The following OTUD7A variants were observed in gnomAD, a reference collection of about 807,000 sequenced individuals.
OTUD7A encodes the protein OTU domain-containing protein 7A.
Under a neutral mutation model 65.7 loss-of-function variants are expected in OTUD7A, and 12 were observed. The observed-to-expected ratio is 0.18, with a 90% confidence interval of 0.12 to 0.30. The LOEUF (loss-of-function observed/expected upper bound fraction) is 0.30, where lower values mean the gene tolerates loss of function less well. Among genes scored for constraint, OTUD7A ranks in the 10% least tolerant of loss-of-function variants. The pLI, the probability that OTUD7A is intolerant of heterozygous loss-of-function variation, is 1.00. For missense variants in OTUD7A, 1,148 were observed against 1,304.8 expected, an observed-to-expected ratio of 0.88 and a Z score of 1.85; for synonymous variants, 641 against 586.3, an observed-to-expected ratio of 1.09 and a Z score of -1.35.
chr15:31,815,327 G>C (rs903094544), intron 1 of OTUD7A, among the ~76,000 whole-genome samples: 1 of 152,194 alleles, frequency 6.6e-6, no homozygotes, highest in African/African-American at 2.4e-5. Flanking sequence ...GAATGACACT[G>C]CTGCAGAAAC....
intron 12 of OTUD7A, among the ~76,000 whole-genome samples, chr15:31,485,457 C>T (rs1400110649): frequency 6.6e-6 from 1 of 152,180 alleles, no homozygotes; most frequent in Non-Finnish European, 1.5e-5. Flanking sequence ...TGTTCCCATT[C>T]CCAGAAAAGT....
At position 31,796,529 on chromosome 15, in the gene OTUD7A, C is replaced by T. The variant is rs373427271; in HGVS notation, c.-100+73978G>A. Among the ~76,000 whole-genome samples the T allele has an allele frequency of 5.1e-4, 78 of 152,280 alleles. 1 individual carries two copies. The South Asian group carries it at 8.7e-3, about 17-fold the overall frequency. ...AAATATTAATCTCATCTAAAAATTA[C>T]CTTCACAGCAACATTCAGATGTATT... On this transcript the variant is annotated intron_variant, in intron 1 of 12. Coordinates refer to ENST00000307050, the MANE Select transcript of OTUD7A (RefSeq NM_001382637.1).
In OTUD7A at chr15:31,559,636, GCAGA is replaced by G. The variant is rs531489935; in HGVS notation, c.332-453_332-450del. The stretch of plus-strand genomic sequence containing the variant: ...CTACATAGCATACACATACATGCAT[GCAGA>G]CACACACATAGAAACAGTTGGCACA... On this transcript the variant is annotated intron_variant, in intron 4 of 12. Transcript: ENST00000307050. Among the ~76,000 whole-genome samples, 62 of 152,210 alleles carry G rather than the reference GCAGA, an allele frequency of 4.1e-4. 1 individual carries two copies. In the South Asian group the frequency reaches 0.012, roughly 31 times the overall value.
chr15:31,741,342 T>G (rs1030180268), intron 1 of OTUD7A, among the ~76,000 whole-genome samples: 5 of 152,326 alleles, frequency 3.3e-5, no homozygotes, highest in African/African-American at 1.2e-4. Context: ...AAAAATTTTT[T>G]ATTACACTTT....
rs574613428 is a variant in OTUD7A, at chr15:31,607,185, G to C, written c.152-36988C>G. Among the ~76,000 whole-genome samples, 9 of 152,340 alleles carry C rather than the reference G, an allele frequency of 5.9e-5. No individual in the cohort carries two copies. In the South Asian group the frequency reaches 1.9e-3, roughly 32 times the overall value. ...ACTTTCCCCATTGGGAATATTGCCA[G>C]TGACAAAAGCAGTGGCTGAGAGGCT... is the stretch of plus-strand genomic sequence containing the variant. On this transcript the variant is annotated intron_variant, in intron 3 of 12. Coordinates refer to ENST00000307050, the MANE Select transcript of OTUD7A (RefSeq NM_001382637.1).
intron 1 of OTUD7A, among the ~76,000 whole-genome samples, chr15:31,860,677 G>GTATATATACATATATATA (rs1897708047): frequency 1.4e-5 from 1 of 73,284 alleles, no homozygotes; most frequent in African/African-American, 4.6e-5. Context: ...ATGTATGTGT[G>GTATATATACATATATATA]TATATATATA....
chr15:31,859,010 T>C (rs1018972086), intron 1 of OTUD7A, among the ~76,000 whole-genome samples: 2 of 152,064 alleles, frequency 1.3e-5, no homozygotes, highest in Non-Finnish European at 2.9e-5. Context: ...ACAGAGTTAT[T>C]GGGAAGATCA....
intron 8 of OTUD7A, among the ~76,000 whole-genome samples, chr15:31,521,832 G>T (rs2041941394): frequency 6.6e-6 from 1 of 152,182 alleles, no homozygotes; most frequent in South Asian, 2.1e-4. Flanking sequence ...CTGCCAGAGG[G>T]TCCCCCAAAC....
intron 3 of OTUD7A, among the ~76,000 whole-genome samples, chr15:31,620,458 C>T (rs1890743978): frequency 6.6e-6 from 1 of 151,832 alleles, no homozygotes; most frequent in Non-Finnish European, 1.5e-5. Context: ...TGTTATTGGT[C>T]TATTCAGAGA....
At chr15:31,825,055 T>C (rs962442841) in intron 1 of OTUD7A, among the ~76,000 whole-genome samples, 5 of 152,240 alleles carry the variant, frequency 3.3e-5, no homozygotes, top group African/African-American at 9.6e-5. Flanking sequence ...AAAGTGTTGC[T>C]TGACAGACGC....
At chr15:31,646,131 T>C (rs1479656507) in intron 3 of OTUD7A, among the ~76,000 whole-genome samples, 2 of 152,060 alleles carry the variant, frequency 1.3e-5, no homozygotes, top group Non-Finnish European at 2.9e-5. Flanking sequence ...TTTTGCTCCT[T>C]CCCTCTTCAG....
intron 3 of OTUD7A, among the ~76,000 whole-genome samples, chr15:31,582,717 T>C (rs1461195553): frequency 6.6e-6 from 1 of 152,184 alleles, no homozygotes; most frequent in Non-Finnish European, 1.5e-5. Flanking sequence ...GGCCCTGCCC[T>C]TGACCCATGG....
intron 5 of OTUD7A, among the ~76,000 whole-genome samples, chr15:31,552,328 A>G (rs1032629410): frequency 3.3e-5 from 5 of 152,242 alleles, no homozygotes; most frequent in Admixed American, 6.5e-5. Context: ...ATGGGCTATG[A>G]CAATAGGATT....
At chr15:31,673,542 A>C (rs1300526045) in intron 1 of OTUD7A, among the ~76,000 whole-genome samples, 17 of 152,222 alleles carry the variant, frequency 1.1e-4, no homozygotes, top group Non-Finnish European at 4.4e-5. Flanking sequence ...AATGCTTGCA[A>C]GGCCGCTTTG....
At position 31,831,143 on chromosome 15, in the gene OTUD7A, T is replaced by C. The variant is rs537504365; in HGVS notation, c.-100+39364A>G. 5.7e-4 allele frequency among the ~76,000 whole-genome samples: 87 copies of C among 152,276 alleles called. 2 individuals are homozygous for C. Among genetic ancestry groups the C allele is most frequent in the East Asian group, 3.9e-4 (2 of 5,184 alleles). ...AAACTTGAATCCCTACCTCACACTA[T>C]ACACAAAAATTAGAGATGAATCACA... On this transcript the variant is annotated intron_variant, in intron 1 of 12. Coordinates refer to ENST00000307050, the MANE Select transcript of OTUD7A (RefSeq NM_001382637.1).
chr15:31,573,584 A>C (rs776718374), intron 3 of OTUD7A, among the ~76,000 whole-genome samples: 26 of 152,260 alleles, frequency 1.7e-4, no homozygotes, highest in Non-Finnish European at 3.2e-4. Context: ...GTTATACATG[A>C]GACTGCAAAG....
chr15:31,840,739 C>G (rs1021971433), intron 1 of OTUD7A, among the ~76,000 whole-genome samples: 2 of 152,168 alleles, frequency 1.3e-5, no homozygotes, highest in Non-Finnish European at 2.9e-5. Flanking sequence ...CCAAATATTT[C>G]TCTTGAGGAT....
intron 1 of OTUD7A, among the ~76,000 whole-genome samples, chr15:31,736,304 C>A (rs973060722): frequency 4.0e-5 from 6 of 151,614 alleles, no homozygotes; most frequent in Admixed American, 6.6e-5. Context: ...TCCACCCCCC[C>A]AAAAAAAAGA....
intron 1 of OTUD7A, among the ~76,000 whole-genome samples, chr15:31,860,647 ATGTATGTGTG>A (rs1567059814): frequency 3.1e-3 from 335 of 106,972 alleles, no homozygotes; most frequent in South Asian, 7.8e-3. Context: ...ATATATATGT[ATGTATGTGTG>A]TATATATAGA....
Sources: gnomAD v4.1 joint callset for allele counts (sites outside exome capture counted in the v4.1 genomes callset) on GRCh38, gnomAD v4.1.1 for gene constraint, MANE v1.5 for transcripts, NCBI Gene and HGNC (gene_info 2026-07-23, HGNC 2026-07-21) for gene names.